Variants in GALM observed in about 807,000 individuals in gnomAD.
GALM encodes the protein galactose mutarotase.
Under a neutral mutation model 37.4 loss-of-function variants are expected in GALM, and 43 were observed. The ratio of observed to expected loss-of-function variants is 1.15; its 90% confidence interval spans 0.90 to 1.48. The LOEUF (loss-of-function observed/expected upper bound fraction) is 1.48. Ranked by LOEUF, GALM falls within the 40% of genes most tolerant of loss-of-function variation. The pLI is 0.00. For synonymous variants in GALM, 199 were observed against 170.6 expected, an observed-to-expected ratio of 1.17 and a Z score of -1.30; for missense variants, 456 against 419.1, an observed-to-expected ratio of 1.09 and a Z score of -0.77.
rs778965304 is a variant in GALM at position 38,681,282 on chromosome 2, G to C, written c.348G>C (p.Val116=). ...ACTTTGAAAACACTTTTTTCCAGGT[G>C]CTCTGGACCCCTCGGGTGCTGTCAA... The part of the protein sequence containing the change: ...LHGGVRGFDK[V]LWTPRVLSNG... The change falls in exon 3 of 7, where the codon GTG becomes GTC. Residue 116 remains valine, a splice_region_variant and synonymous_variant. Coordinates refer to ENST00000272252, the MANE Select transcript of GALM (RefSeq NM_138801.3). The C allele has an allele frequency of 1.2e-6, 2 of 1,612,796 alleles. No homozygotes were observed. The highest frequency in any genetic ancestry group is 1.7e-6 in the Non-Finnish European group (2 of 1,179,790).
At chr2:38,693,211 A>T (rs1226788091) in intron 4 of GALM, among the ~76,000 whole-genome samples, 1 of 152,220 alleles carries the variant, frequency 6.6e-6, no homozygotes, top group Non-Finnish European at 1.5e-5. Context: ...GGTCGGGTGC[A>T]GTGGCTAATG....
chr2:38,716,066 G>A (rs1217534071), intron 4 of GALM, among the ~76,000 whole-genome samples: 1 of 152,202 alleles, frequency 6.6e-6, no homozygotes, highest in Non-Finnish European at 1.5e-5. Context: ...CTCCTAGGAG[G>A]GTGGTAACAG....
At chr2:38,707,240 T>C (rs1490405782) in intron 4 of GALM, among the ~76,000 whole-genome samples, 1 of 151,984 alleles carries the variant, frequency 6.6e-6, no homozygotes, top group Non-Finnish European at 1.5e-5. Flanking sequence ...AGTGTGACGT[T>C]AGAGAAATGA....
At position 38,725,648 on chromosome 2, in the gene GALM, C is replaced by G. The variant is rs114774838; in HGVS notation, c.635-3908C>G. On this transcript the variant is annotated intron_variant, in intron 4 of 6. Transcript: ENST00000272252. ...GAGGATCACTTGAGCATAGCAGGAC[C>G]CTGTCTTTAAAAAAGAAAAAGAAGA... 3.4e-3 allele frequency among the ~76,000 whole-genome samples: 512 copies of G among 152,072 alleles called. 2 individuals are homozygous for G. Among genetic ancestry groups the G allele is most frequent in the African/African-American group, 0.012 (498 of 41,492 alleles).
chr2:38,667,139 A>T (rs893401739), intron 1 of GALM, among the ~76,000 whole-genome samples: 5 of 152,212 alleles, frequency 3.3e-5, no homozygotes, highest in African/African-American at 9.6e-5. Flanking sequence ...GCAAAGGAAA[A>T]TGTACATCAT....
intron 5 of GALM, 76 bp downstream of exon 5, chr2:38,729,773 C>G (rs1028605486): frequency 3.2e-6 from 4 of 1,237,928 alleles, no homozygotes; most frequent in African/African-American, 1.5e-5. Flanking sequence ...AGCTTTTCCT[C>G]TGGCCATATC....
chr2:38,711,900 T>C (rs1015541663), intron 4 of GALM, among the ~76,000 whole-genome samples: 13 of 60,842 alleles, frequency 2.1e-4, no homozygotes, highest in African/African-American at 9.6e-4. Flanking sequence ...GTAAGTGCTT[T>C]GCCTACATTT....
intron 4 of GALM, among the ~76,000 whole-genome samples, chr2:38,724,636 C>T (rs952533998): frequency 2.6e-5 from 4 of 152,164 alleles, no homozygotes; most frequent in African/African-American, 4.8e-5. Flanking sequence ...TTTTTCTTCT[C>T]ATTTACCAAA....
At chr2:38,694,909 A>AG (rs1385886966) in intron 4 of GALM, among the ~76,000 whole-genome samples, 1 of 151,158 alleles carries the variant, frequency 6.6e-6, no homozygotes, top group Non-Finnish European at 1.5e-5. Context: ...AAAAAAAAAA[A>AG]AAACAAAAAA....
intron 4 of GALM, among the ~76,000 whole-genome samples, chr2:38,728,263 G>A (rs1393684765): frequency 6.6e-6 from 1 of 151,644 alleles, no homozygotes; most frequent in Non-Finnish European, 1.5e-5. Context: ...GCGTGGTGGT[G>A]TGTGCCTGTA....
At chr2:38,720,414 T>TAAAAA (rs34372976) in intron 4 of GALM, among the ~76,000 whole-genome samples, 6 of 92,850 alleles carry the variant, frequency 6.5e-5, no homozygotes, top group African/African-American at 2.6e-4. Context: ...ACTTCTATGT[T>TAAAAA]AAAAAAAAAA....
At chr2:38,693,189 C>T (rs1471017600) in intron 4 of GALM, among the ~76,000 whole-genome samples, 1 of 152,156 alleles carries the variant, frequency 6.6e-6, no homozygotes, top group Non-Finnish European at 1.5e-5. Context: ...GCTACAAGAA[C>T]CTGTTAGACC....
rs372070636 is a variant in GALM at position 38,681,296 on chromosome 2, G to A, written c.362G>A (p.Arg121Gln). 60 of 1,613,162 alleles carry A rather than the reference G, an allele frequency of 3.7e-5. No individual in the cohort carries two copies. Among genetic ancestry groups the A allele is most frequent in the Non-Finnish European group, 4.7e-5 (55 of 1,179,980 alleles). ...TTTTTCCAGGTGCTCTGGACCCCTC[G>A]GGTGCTGTCAAATGGCGTCCAGTTC... ...RGFDKVLWTP[R>Q]VLSNGVQFSR... The change falls in exon 3 of 7, where the codon CGG becomes CAG. Residue 121 changes from arginine to glutamine, a missense_variant. Transcript: ENST00000272252.
intron 4 of GALM, among the ~76,000 whole-genome samples, chr2:38,694,191 A>T (rs1226231427): frequency 6.6e-6 from 1 of 152,076 alleles, no homozygotes; most frequent in Non-Finnish European, 1.5e-5. Context: ...AAAAAAAAAG[A>T]AGAAGATTTG....
In GALM at chr2:38,729,560, A is replaced by C. The variant is rs756065163; in HGVS notation, c.639A>C (p.Glu213Asp). Residue 213 changes from glutamate to aspartate, a missense_variant, in exon 5 of 7, where the codon GAA becomes GAC. Coordinates refer to ENST00000272252, the MANE Select transcript of GALM (RefSeq NM_138801.3). The stretch of plus-strand genomic sequence containing the variant: ...TTTTCTGTCTCTTCCCATCAGGAGA[A>C]GTTGCCCCAGTGCAAGGCACTGCAT... ...PVDETLIPTG[E>D]VAPVQGTAFD... The C allele has an allele frequency of 6.2e-7, 1 of 1,613,050 alleles. No homozygotes were observed.
chr2:38,671,013 G>A (rs960292753), intron 1 of GALM, among the ~76,000 whole-genome samples: 7 of 152,102 alleles, frequency 4.6e-5, no homozygotes. Flanking sequence ...GGTTGTTAGA[G>A]GAGTGGAAAG....
intron 4 of GALM, among the ~76,000 whole-genome samples, chr2:38,719,699 C>G (rs952346278): frequency 7.0e-6 from 1 of 142,150 alleles, no homozygotes; most frequent in East Asian, 2.2e-4. Flanking sequence ...GCTTCAACCC[C>G]GAAGGTGGAG....
At chr2:38,694,821 C>T (rs1039367576) in intron 4 of GALM, among the ~76,000 whole-genome samples, 5 of 140,150 alleles carry the variant, frequency 3.6e-5, no homozygotes, top group African/African-American at 1.0e-4. Flanking sequence ...GGCGTGAACC[C>T]GGGAGGTGGA....
chr2:38,709,540 G>A (rs1423208382), intron 4 of GALM, among the ~76,000 whole-genome samples: 2 of 150,010 alleles, frequency 1.3e-5, no homozygotes, highest in African/African-American at 4.9e-5. Context: ...ATCAGAAAAT[G>A]CTCGGTGGAA....
Sources: allele counts gnomAD v4.1 joint callset (sites outside exome capture counted in the v4.1 genomes callset), GRCh38; gene constraint gnomAD v4.1.1; transcripts MANE v1.5; gene names NCBI Gene and HGNC (gene_info 2026-07-23, HGNC 2026-07-21).